The following CNBD1 variants were observed in gnomAD, a reference collection of about 807,000 sequenced individuals.
CNBD1 encodes cyclic nucleotide-binding domain-containing protein 1.
Under a neutral mutation model 54.4 loss-of-function variants are expected in CNBD1, and 71 were observed. That is an observed-to-expected ratio of 1.30 (90% CI 1.08 to 1.59). The LOEUF is 1.59. Ranked by LOEUF, CNBD1 falls within the 40% of genes most tolerant of loss-of-function variation. The pLI, the probability that CNBD1 is intolerant of heterozygous loss-of-function variation, is 0.00. For synonymous variants in CNBD1, 182 were observed against 170.7 expected, an observed-to-expected ratio of 1.07 and a Z score of -0.51; for missense variants, 659 against 518.0, an observed-to-expected ratio of 1.27 and a Z score of -2.64.
At chr8:87,385,981 T>A (rs1293925906), downstream of CNBD1, among the ~76,000 whole-genome samples, 1 of 152,056 alleles carries the variant, frequency 6.6e-6, no homozygotes, top group African/African-American at 2.4e-5. Flanking sequence ...TTCTGCAGCC[T>A]CCACTGCTGA....
chr8:87,358,839 A>G (rs1191715844), intron 10 of CNBD1, among the ~76,000 whole-genome samples: 1 of 152,182 alleles, frequency 6.6e-6, no homozygotes, highest in Non-Finnish European at 1.5e-5. Context: ...CCAGAGCACC[A>G]GGAATCCTGG....
intron 4 of CNBD1, among the ~76,000 whole-genome samples, chr8:87,105,024 G>A (rs1009310800): frequency 1.3e-5 from 2 of 152,148 alleles, no homozygotes; most frequent in Admixed American, 6.6e-5. Context: ...TACAGCAGGT[G>A]AAAGTAGGTT....
chr8:86,955,762 G>T (rs1362389682), intron 4 of CNBD1, among the ~76,000 whole-genome samples: 7 of 152,118 alleles, frequency 4.6e-5, no homozygotes, highest in Non-Finnish European at 8.8e-5. Flanking sequence ...TGTAAAAATT[G>T]TCTCTTGTTC....
At chr8:87,314,160 TA>T (rs924916155) in intron 8 of CNBD1, among the ~76,000 whole-genome samples, 40 of 151,688 alleles carry the variant, frequency 2.6e-4, no homozygotes, top group African/African-American at 9.2e-4. Flanking sequence ...AAAGATAATA[TA>T]AAAAAAGATT....
intron 8 of CNBD1, among the ~76,000 whole-genome samples, chr8:87,345,816 G>A (rs1039191049): frequency 6.6e-6 from 1 of 152,076 alleles, no homozygotes; most frequent in African/African-American, 2.4e-5. Flanking sequence ...AAATCTTGAT[G>A]AGTACACCCA....
intron 4 of CNBD1, among the ~76,000 whole-genome samples, chr8:87,194,643 T>A (rs1411606765): frequency 1.3e-5 from 2 of 152,202 alleles, no homozygotes; most frequent in East Asian, 3.9e-4. Flanking sequence ...ATTTTTAATA[T>A]TTTGACTAAT....
intron 5 of CNBD1, among the ~76,000 whole-genome samples, chr8:87,226,565 T>G (rs1814498275): frequency 6.8e-6 from 1 of 148,098 alleles, no homozygotes; most frequent in Non-Finnish European, 1.5e-5. Flanking sequence ...GTGAGATTCT[T>G]AATCCTGAGT....
At chr8:87,328,588 G>T (rs1563554847) in intron 8 of CNBD1, among the ~76,000 whole-genome samples, 1 of 151,728 alleles carries the variant, frequency 6.6e-6, no homozygotes, top group African/African-American at 2.4e-5. Context: ...ACTGCTTGGA[G>T]TCCTTTGTGA....
intron 2 of CNBD1, among the ~76,000 whole-genome samples, chr8:87,425,869 T>C (rs912163884): frequency 1.3e-5 from 2 of 152,148 alleles, no homozygotes; most frequent in African/African-American, 4.8e-5. Flanking sequence ...TCCCAGCTGC[T>C]TTGTTTACCT....
At chr8:87,329,860 A>G (rs1563555489) in intron 8 of CNBD1, among the ~76,000 whole-genome samples, 1 of 151,898 alleles carries the variant, frequency 6.6e-6, no homozygotes, top group Admixed American at 6.6e-5. Context: ...TTTATTTCTT[A>G]CTTCCAAATC....
rs538816788 is a variant in CNBD1 at position 87,219,855 on chromosome 8, C to T, written c.577+13717C>T. On this transcript the variant is annotated intron_variant, in intron 5 of 10. Transcript: ENST00000518476. ...AGTTAACTATATTTTGGGTACCCTTCACATACTTCTTAATATTTTGACTCA... is the reference window on the plus strand; with the variant it reads ...AGTTAACTATATTTTGGGTACCCTTTACATACTTCTTAATATTTTGACTCA... 2.4e-3 allele frequency among the ~76,000 whole-genome samples: 358 copies of T among 152,020 alleles called. 2 individuals carry two copies. Among genetic ancestry groups the T allele is most frequent in the African/African-American group, 8.1e-3 (335 of 41,502 alleles).
chr8:87,080,971 T>C (rs935607418), intron 4 of CNBD1, among the ~76,000 whole-genome samples: 8 of 146,876 alleles, frequency 5.4e-5, no homozygotes, highest in African/African-American at 2.4e-5. Context: ...AATTTTTAAA[T>C]CTTTCACCCA....
chr8:86,992,247 G>A (rs565355376), intron 4 of CNBD1, among the ~76,000 whole-genome samples: 20 of 151,840 alleles, frequency 1.3e-4, no homozygotes, highest in African/African-American at 2.9e-4. Flanking sequence ...AAAATTATAC[G>A]CCTTATCGTT....
chr8:87,174,110 C>A (rs1813149152), intron 4 of CNBD1, among the ~76,000 whole-genome samples: 1 of 152,148 alleles, frequency 6.6e-6, no homozygotes, highest in South Asian at 2.1e-4. Flanking sequence ...AGGCGCACAC[C>A]ACCAGGCCCA....
rs185892747 is a variant in CNBD1 at position 87,351,122 on chromosome 8, T to C, written c.1043-563T>C. Among the ~76,000 whole-genome samples, 11 of 152,256 alleles carry C rather than the reference T, an allele frequency of 7.2e-5. No individual in the cohort carries two copies. The East Asian group carries it at 2.1e-3, about 29-fold the overall frequency. The stretch of plus-strand genomic sequence containing the variant: ...TTTTTCCATTTTAAAGATGAAAAAT[T>C]TGAAGCTCAGAGGGGTTATGTCATT... On this transcript the variant is annotated intron_variant, in intron 8 of 10. Coordinates refer to ENST00000518476, the MANE Select transcript of CNBD1 (RefSeq NM_173538.3).
chr8:87,377,505 G>C (rs555980485), intron 10 of CNBD1, among the ~76,000 whole-genome samples: 6 of 152,070 alleles, frequency 3.9e-5, no homozygotes, highest in Non-Finnish European at 7.4e-5. Flanking sequence ...TGGCTGCATA[G>C]TATTCCATGT....
At chr8:87,317,102 A>T (rs1404514259) in intron 8 of CNBD1, among the ~76,000 whole-genome samples, 1 of 151,740 alleles carries the variant, frequency 6.6e-6, no homozygotes, top group Admixed American at 6.6e-5. Context: ...TGTGGGGGTG[A>T]ACTGTCTGAC....
chr8:87,313,336 A>G (rs1809309044), intron 8 of CNBD1, among the ~76,000 whole-genome samples: 2 of 152,082 alleles, frequency 1.3e-5, no homozygotes, highest in Non-Finnish European at 2.9e-5. Flanking sequence ...AGAAGAAATG[A>G]CATGTGTCTG....
At chr8:86,983,596 A>G (rs751193047) in intron 4 of CNBD1, among the ~76,000 whole-genome samples, 10 of 152,172 alleles carry the variant, frequency 6.6e-5, no homozygotes, top group Non-Finnish European at 1.3e-4. Flanking sequence ...AGTCCAGACT[A>G]AGGTGGTCTT....
Sources: allele counts gnomAD v4.1 joint callset (sites outside exome capture counted in the v4.1 genomes callset), GRCh38; gene constraint gnomAD v4.1.1; transcripts MANE v1.5; gene names NCBI Gene and HGNC (gene_info 2026-07-23, HGNC 2026-07-21).